Variants in MAP2K5 observed in about 807,000 individuals in gnomAD.
The protein encoded by MAP2K5 is mitogen-activated protein kinase kinase 5.
A neutral mutation model predicts 83.1 loss-of-function variants in MAP2K5; 49 were observed. That is an observed-to-expected ratio of 0.59 (90% CI 0.47 to 0.75). The LOEUF (loss-of-function observed/expected upper bound fraction) is 0.75, where lower values mean the gene tolerates loss of function less well. Among genes scored for constraint, MAP2K5 ranks in the 30% least tolerant of loss-of-function variants. MAP2K5 has a pLI of 0.00. For missense variants in MAP2K5, 457 were observed against 557.5 expected (o/e 0.82, Z 1.82); for synonymous variants, 202 against 191.8 (o/e 1.05, Z -0.44).
chr15:67,544,635 T>C (rs1447693035), intron 1 of MAP2K5, among the ~76,000 whole-genome samples: 1 of 152,246 alleles, frequency 6.6e-6, no homozygotes, highest in East Asian at 1.9e-4. Flanking sequence ...GTGCCCATTC[T>C]ACATGCAGAA....
chr15:67,778,891 C>CT lies in MAP2K5; in HGVS notation c.1242+6144dup, dbSNP rs1387279426. Among the ~76,000 whole-genome samples the CT allele has an allele frequency of 1.5e-4, 23 of 152,110 alleles. No individual in the cohort carries two copies. Among genetic ancestry groups the CT allele is most frequent in the Non-Finnish European group, 1.5e-4 (10 of 68,014 alleles). On this transcript the variant is annotated intron_variant, in intron 21 of 21. Transcript: ENST00000178640. The surrounding 1 kb of genome is among the most constrained non-coding windows in gnomAD (Gnocchi z 5.0). Reference sequence around the variant, plus strand: ...CACCCTGTGCTTGCAAAAATCTAAGCTTTTTAAAATACTAATGATGGTTAA... The same window carrying CT: ...CACCCTGTGCTTGCAAAAATCTAAGCTTTTTTAAAATACTAATGATGGTTAA...
chr15:67,614,517 G>A (rs1476887874), intron 8 of MAP2K5, among the ~76,000 whole-genome samples: 2 of 152,096 alleles, frequency 1.3e-5, no homozygotes, highest in East Asian at 1.9e-4. Context: ...AACAATTCCA[G>A]TTCTTTCATT....
Position 67,748,641 on chromosome 15 carries a change from T to C in MAP2K5, c.1134+40T>C. The C allele has an allele frequency of 6.3e-7, 1 of 1,592,724 alleles. No homozygotes were observed. Among genetic ancestry groups the C allele is most frequent in the East Asian group, 2.2e-5 (1 of 44,772 alleles). On this transcript the variant is annotated intron_variant, in intron 19 of 21. Coordinates refer to ENST00000178640, the MANE Select transcript of MAP2K5 (RefSeq NM_145160.3). The surrounding 1 kb of genome is among the most constrained non-coding windows in gnomAD (Gnocchi z 4.0). ...TATGTGCTTTCACTCCTAAAGTCATTCCTAATGGTGTGGAAAGCTTATATT... is the reference window on the plus strand; with the variant it reads ...TATGTGCTTTCACTCCTAAAGTCATCCCTAATGGTGTGGAAAGCTTATATT...
At chr15:67,566,472 G>A (rs906694304) in intron 3 of MAP2K5, among the ~76,000 whole-genome samples, 3 of 152,138 alleles carry the variant, frequency 2.0e-5, no homozygotes, top group African/African-American at 7.2e-5. Context: ...CACCATACCC[G>A]GCCAAAAGAG....
At chr15:67,732,962 G>C (rs1026702140) in intron 17 of MAP2K5, among the ~76,000 whole-genome samples, 9 of 152,150 alleles carry the variant, frequency 5.9e-5, no homozygotes. Flanking sequence ...TGTGGGGAGG[G>C]GGGGCTTAAC....
chr15:67,580,904 T>C, intron 4 of MAP2K5, 81 bp downstream of exon 4: 1 of 918,300 alleles, frequency 1.1e-6, no homozygotes, highest in South Asian at 1.3e-5. Flanking sequence ...AAGGTTTAAA[T>C]GCACATAACA....
At chr15:67,728,643 T>C (rs2089156288) in intron 17 of MAP2K5, among the ~76,000 whole-genome samples, 1 of 152,206 alleles carries the variant, frequency 6.6e-6, no homozygotes, top group Admixed American at 6.5e-5. Context: ...TTTCCTCTGG[T>C]TGATGTTCAC....
chr15:67,744,218 A>G (rs1204991738), intron 17 of MAP2K5, among the ~76,000 whole-genome samples: 1 of 152,224 alleles, frequency 6.6e-6, no homozygotes, highest in Admixed American at 6.5e-5. Flanking sequence ...ATCTGATTTG[A>G]AAAGAGAGTC....
intron 15 of MAP2K5, among the ~76,000 whole-genome samples, chr15:67,701,586 A>G (rs1465869296): frequency 6.6e-6 from 1 of 152,218 alleles, no homozygotes; most frequent in African/African-American, 2.4e-5. Context: ...CATTAAGCAG[A>G]GAAGAGGAAG....
chr15:67,557,259 G>A (rs1375010943), intron 2 of MAP2K5, among the ~76,000 whole-genome samples: 5 of 152,214 alleles, frequency 3.3e-5, no homozygotes, highest in Non-Finnish European at 7.3e-5. Flanking sequence ...TAAAATGACT[G>A]TTGGATTGGT....
In MAP2K5 at chr15:67,750,565, GTTGTAATGCAAATTCCTGAGCCCAGA is replaced by G. The variant is rs1254698137; in HGVS notation, c.1134+1966_1134+1991del. On this transcript the variant is annotated intron_variant, in intron 19 of 21. Transcript: ENST00000178640. The surrounding 1 kb of genome is among the most constrained non-coding windows in gnomAD (Gnocchi z 4.2). The stretch of plus-strand genomic sequence containing the variant: ...TGCATCAGAATTACCTAAGGCTCTT[GTTGTAATGCAAATTCCTGAGCCCAGA>G]TCGCTGAATTAGACTTTCTAGGGAT... Among the ~76,000 whole-genome samples the G allele has an allele frequency of 6.6e-6, 1 of 152,188 alleles. No individual in the cohort carries two copies. Among genetic ancestry groups the G allele is most frequent in the African/African-American group, 2.4e-5 (1 of 41,446 alleles).
chr15:67,704,948 A>G (rs1178551133), intron 16 of MAP2K5, among the ~76,000 whole-genome samples: 2 of 152,190 alleles, frequency 1.3e-5, no homozygotes. Flanking sequence ...CAGGTTTGCT[A>G]CTAGTTTTTT....
At chr15:67,711,997 A>G (rs752393840) in intron 16 of MAP2K5, among the ~76,000 whole-genome samples, 3 of 152,254 alleles carry the variant, frequency 2.0e-5, no homozygotes, top group Non-Finnish European at 2.9e-5. Flanking sequence ...ACAATTGTTA[A>G]TGTACTGGAG....
chr15:67,694,418 A>G (rs1251113741), intron 15 of MAP2K5, among the ~76,000 whole-genome samples: 1 of 152,180 alleles, frequency 6.6e-6, no homozygotes. Context: ...TGATGTTAGT[A>G]TGGATAAAAC....
Position 67,563,245 on chromosome 15 carries a change from T to C in MAP2K5, c.185-38T>C. The C allele has an allele frequency of 6.3e-7, 1 of 1,598,948 alleles. No homozygotes were observed. Among genetic ancestry groups the C allele is most frequent in the Non-Finnish European group, 8.5e-7 (1 of 1,175,244 alleles). The stretch of plus-strand genomic sequence containing the variant: ...ATGTTCCCTTTGTGCATTAAACAAA[T>C]GCACACCTTATCATTTGCATTATGT... On this transcript the variant is annotated intron_variant, in intron 2 of 21. Coordinates refer to ENST00000178640, the MANE Select transcript of MAP2K5 (RefSeq NM_145160.3). This position sits in a 1 kb window ranked among gnomAD's most constrained non-coding sequence, Gnocchi z 4.5.
At chr15:67,696,262 ATGTAC>A (rs2088256005) in intron 15 of MAP2K5, among the ~76,000 whole-genome samples, 1 of 152,102 alleles carries the variant, frequency 6.6e-6, no homozygotes, top group Non-Finnish European at 1.5e-5. Flanking sequence ...TACTGGAACA[ATGTAC>A]TGATCACTCT....
At chr15:67,569,818 TC>T (rs1165424202) in intron 3 of MAP2K5, among the ~76,000 whole-genome samples, 1 of 152,210 alleles carries the variant, frequency 6.6e-6, no homozygotes, top group African/African-American at 2.4e-5. Context: ...ATGGCTCTGC[TC>T]CCAGTTCAGT....
rs540224973 is a variant in MAP2K5, at chr15:67,751,106, T to C, written c.1134+2505T>C. ...GAGCCAGTCCTGGAATGGCCAAAGA[T>C]GAATGTTAGAGCCACTCTGGGAGTC... On this transcript the variant is annotated intron_variant, in intron 19 of 21. Transcript: ENST00000178640. 5.2e-4 allele frequency among the ~76,000 whole-genome samples: 79 copies of C among 152,082 alleles called. 1 individual carries two copies. Among genetic ancestry groups the C allele is most frequent in the South Asian group, 4.6e-3 (22 of 4,814 alleles).
intron 13 of MAP2K5, among the ~76,000 whole-genome samples, chr15:67,675,627 AC>A (rs2087659085): frequency 6.6e-6 from 1 of 152,240 alleles, no homozygotes; most frequent in Non-Finnish European, 1.5e-5. Context: ...ATTATTTCTT[AC>A]CATTGTAAAT....
Sources: gnomAD v4.1 joint callset for allele counts (sites outside exome capture counted in the v4.1 genomes callset) on GRCh38, gnomAD v4.1.1 for gene constraint, Gnocchi (gnomAD v3.1) non-coding constraint, MANE v1.5 for transcripts, NCBI Gene and HGNC (gene_info 2026-07-23, HGNC 2026-07-21) for gene names.